Variants in U2SURP observed in about 807,000 individuals in gnomAD.
The protein encoded by U2SURP is U2 snRNP associated SURP domain containing.
In U2SURP, 9 loss-of-function variants were observed where a neutral mutation model predicts 144.9. The observed-to-expected ratio is 0.06, with a 90% CI of 0.04 to 0.11. The LOEUF (loss-of-function observed/expected upper bound fraction) is 0.11. Ranked by LOEUF, U2SURP falls within the 10% of genes least tolerant of loss-of-function variation. The probability of loss-of-function intolerance (pLI) is 1.00; values close to 1 mark genes in which losing one functional copy is unlikely to be tolerated. For synonymous variants in U2SURP, 408 were observed against 396.8 expected, an observed-to-expected ratio of 1.03 and a Z score of -0.33; for missense variants, 724 against 1,226.7, an observed-to-expected ratio of 0.59 and a Z score of 6.12.
intron 8 of U2SURP, 61 bp downstream of exon 8, chr3:143,020,754 C>A: frequency 1.5e-6 from 2 of 1,307,042 alleles, no homozygotes; most frequent in Non-Finnish European, 1.1e-6. Context: ...CCCACCTTAT[C>A]CGTGGCGGGT....
chr3:143,005,827 C>T (rs1442996576), intron 1 of U2SURP, among the ~76,000 whole-genome samples: 1 of 151,664 alleles, frequency 6.6e-6, no homozygotes, highest in Non-Finnish European at 1.5e-5. Flanking sequence ...AGTATCTACC[C>T]CTCTACCCTC....
intron 26 of U2SURP, 66 bp downstream of exon 26, chr3:143,053,860 C>G: frequency 1.5e-6 from 2 of 1,294,122 alleles, no homozygotes; most frequent in Non-Finnish European, 2.1e-6. Context: ...TTTTATAATA[C>G]TTTCATCATT....
intron 23 of U2SURP, among the ~76,000 whole-genome samples, chr3:143,041,648 G>T (rs947702657): frequency 1.3e-5 from 2 of 151,844 alleles, no homozygotes; most frequent in African/African-American, 4.8e-5. Context: ...TACAATGAAG[G>T]TCTTATTACA....
intron 16 of U2SURP, among the ~76,000 whole-genome samples, chr3:143,030,717 C>G (rs553686154): frequency 6.6e-6 from 1 of 152,016 alleles, no homozygotes; most frequent in Admixed American, 6.6e-5. Flanking sequence ...AGTCAGAAAC[C>G]TTGTGGAAAG....
At position 143,035,991 on chromosome 3, in the gene U2SURP, A is replaced by G. The variant is rs1219095309; in HGVS notation, c.1951A>G (p.Met651Val). 1 of 1,601,568 alleles carries G rather than the reference A, an allele frequency of 6.2e-7. No homozygotes were observed. Among genetic ancestry groups the G allele is most frequent in the Admixed American group, 1.8e-5 (1 of 56,348 alleles). ...LQSENFKQRV[M>V]TCFRAWEDWA... The stretch of plus-strand genomic sequence containing the variant: ...TTTCCTGTTTCTTTAGCAACGGGTA[A>G]TGACTTGCTTCAGAGCATGGGAAGA... Residue 651 changes from methionine to valine, a missense_variant, in exon 20 of 28, where the codon ATG becomes GTG. Physicochemically the swap from Met to Val is conservative, Grantham distance 21 (BLOSUM62 1). Transcript: ENST00000473835.
rs1424097268 is a variant in U2SURP, at chr3:143,057,440, T to G, written c.*990T>G. On this transcript the variant is annotated 3_prime_UTR_variant, in exon 28 of 28. Coordinates refer to ENST00000473835, the MANE Select transcript of U2SURP (RefSeq NM_001080415.2). ...AGAGACTTGGGTTTAGTTATAGCTT[T>G]AAGTAAAATTTAAAAATAAAATGTT... 2.0e-5 allele frequency: 3 copies of G among 152,092 alleles called. No individual in the cohort carries two copies. Among genetic ancestry groups the G allele is most frequent in the Non-Finnish European group, 4.4e-5 (3 of 67,804 alleles). The allele number at this position is 152,092 out of a possible 1,614,324, so 9.4% of individuals were successfully genotyped here. A position where few individuals can be genotyped will look rare whatever the true frequency, so the allele number is the denominator to read the frequency against.
At chr3:143,056,025 T>C (rs906147592) in intron 27 of U2SURP, among the ~76,000 whole-genome samples, 1 of 152,166 alleles carries the variant, frequency 6.6e-6, no homozygotes, top group Non-Finnish European at 1.5e-5. Flanking sequence ...ATGCAAATTC[T>C]TAGTTCCATC....
At chr3:143,042,921 AAAG>A (rs1027195059) in intron 23 of U2SURP, among the ~76,000 whole-genome samples, 193 bp from the exon 24 acceptor site, 16 of 152,292 alleles carry the variant, frequency 1.1e-4, no homozygotes, top group East Asian at 1.9e-4. Context: ...TCTGTGGAGG[AAAG>A]AAGTGTTTTA....
rs373178303 is a variant in U2SURP at position 143,020,515 on chromosome 3, T to G, written c.639-84T>G. 6.3e-4 allele frequency: 542 copies of G among 853,904 alleles called. 2 individuals are homozygous for G. In the African/African-American group the frequency reaches 8.1e-3, roughly 13 times the overall value. The allele number at this position is 853,904 out of a possible 1,614,324, so 52.9% of individuals were successfully genotyped here. A position where few individuals can be genotyped will look rare whatever the true frequency, so the allele number is the denominator to read the frequency against. ...ATTACAGATATTTCTAGTTATTTGATGATAGTAATTTGATAAGCGCTATTC... is the reference window on the plus strand; with the variant it reads ...ATTACAGATATTTCTAGTTATTTGAGGATAGTAATTTGATAAGCGCTATTC... On this transcript the variant is annotated intron_variant, in intron 7 of 27. Coordinates refer to ENST00000473835, the MANE Select transcript of U2SURP (RefSeq NM_001080415.2).
chr3:143,009,709 C>T (rs906986595), intron 1 of U2SURP, among the ~76,000 whole-genome samples: 9 of 152,134 alleles, frequency 5.9e-5, no homozygotes, highest in Non-Finnish European at 1.3e-4. Context: ...CAGTGGAGTT[C>T]AGAGGAGTAA....
At chr3:143,018,486 T>C (rs886614126) in intron 6 of U2SURP, among the ~76,000 whole-genome samples, 1 of 152,194 alleles carries the variant, frequency 6.6e-6, no homozygotes, top group African/African-American at 2.4e-5. Flanking sequence ...TTTTCTGCTG[T>C]TAGAAATAAT....
Position 143,027,260 on chromosome 3 carries a change from A to T in U2SURP, c.1379+7A>T, listed in dbSNP as rs931040484. ...TCAACAATCCTATGTTCAGGTGTGC[A>T]TTTTTTAAAAATTGTGAAATATATG... On this transcript the variant is annotated splice_region_variant and intron_variant, in intron 14 of 27. Coordinates refer to ENST00000473835, the MANE Select transcript of U2SURP (RefSeq NM_001080415.2). 1 of 1,607,588 alleles carries T rather than the reference A, an allele frequency of 6.2e-7. No individual in the cohort carries two copies. The highest frequency in any genetic ancestry group is 1.3e-5 in the African/African-American group (1 of 74,798).
chr3:143,037,088 T>C lies in U2SURP; in HGVS notation c.2065-91T>C, dbSNP rs555973979. The C allele has an allele frequency of 2.6e-4, 318 of 1,244,400 alleles. 1 individual carries two copies. In the African/African-American group the frequency reaches 4.3e-3, roughly 17 times the overall value. The allele number at this position is 1,244,400 out of a possible 1,614,324, so 77.1% of individuals were successfully genotyped here. A position where few individuals can be genotyped will look rare whatever the true frequency, so the allele number is the denominator to read the frequency against. On this transcript the variant is annotated intron_variant, in intron 20 of 27. Transcript: ENST00000473835. ...ACCTCAGATTGTGGGTATCCAGTTA[T>C]GTTGGCTTGTACTGGATTACAAATT...
chr3:143,043,359 C>CCGTA, intron 24 of U2SURP, 83 bp downstream of exon 24: 1 of 1,386,076 alleles, frequency 7.2e-7, no homozygotes, highest in Admixed American at 2.3e-5. Flanking sequence ...TTGCATTGTA[C>CCGTA]CGTAGTACAT....
At chr3:143,005,133 G>GA (rs1160609910) in intron 1 of U2SURP, among the ~76,000 whole-genome samples, 1 of 149,798 alleles carries the variant, frequency 6.7e-6, no homozygotes. Flanking sequence ...TTCACTCTGT[G>GA]ACTATGGCTT....
chr3:143,043,642 C>G (rs1288682926), intron 24 of U2SURP, among the ~76,000 whole-genome samples: 1 of 151,980 alleles, frequency 6.6e-6, no homozygotes, highest in Non-Finnish European at 1.5e-5. Context: ...TCTGTTTTCT[C>G]TTTATCATTG....
intron 25 of U2SURP, among the ~76,000 whole-genome samples, chr3:143,051,602 C>CAAAAAAAAAAAAA (rs3041537): frequency 1.1e-5 from 1 of 90,630 alleles, no homozygotes; most frequent in Non-Finnish European, 2.1e-5. Context: ...ACTGTCGTTG[C>CAAAAAAAAAAAAA]AAAAAAAAAA....
At position 143,059,413 on chromosome 3, in the gene U2SURP, T is replaced by A. The variant is rs1035988333; in HGVS notation, c.*2963T>A. The A allele has an allele frequency of 1.1e-4, 17 of 152,384 alleles. No homozygotes were observed. The highest frequency in any genetic ancestry group is 4.1e-4 in the African/African-American group (17 of 41,556). The allele number at this position is 152,384 out of a possible 1,614,324, so 9.4% of individuals were successfully genotyped here. On this transcript the variant is annotated 3_prime_UTR_variant, in exon 28 of 28. Transcript: ENST00000473835. ...TGACTTAGGTATTTCCCCCCAAACT[T>A]TAATATTCTTGAGCACTTGAAAATA...
At chr3:143,047,143 TC>T (rs1934533055) in intron 24 of U2SURP, among the ~76,000 whole-genome samples, 1 of 92,206 alleles carries the variant, frequency 1.1e-5, no homozygotes, top group Non-Finnish European at 2.1e-5. Flanking sequence ...GCCCCTCACC[TC>T]CCGGACGGGG....
Sources: allele counts gnomAD v4.1 joint callset (sites outside exome capture counted in the v4.1 genomes callset), GRCh38; gene constraint gnomAD v4.1.1; transcripts MANE v1.5; gene names NCBI Gene and HGNC (gene_info 2026-07-23, HGNC 2026-07-21).